The following CATSPERB variants were observed in gnomAD, a reference collection of about 807,000 sequenced individuals.
CATSPERB encodes the protein cation channel sperm-associated auxiliary subunit beta.
A neutral mutation model predicts 128.3 loss-of-function variants in CATSPERB; 93 were observed. That is an observed-to-expected ratio of 0.72 (90% CI 0.61 to 0.86). The LOEUF (loss-of-function observed/expected upper bound fraction) is 0.86. CATSPERB is among the 40% of genes least tolerant of loss of function. The probability of loss-of-function intolerance (pLI) is 0.00; values close to 1 mark genes in which losing one functional copy is unlikely to be tolerated. For missense variants in CATSPERB, 1,153 were observed against 1,329.5 expected (o/e 0.87, Z 2.06); for synonymous variants, 381 against 448.8 (o/e 0.85, Z 1.91).
At chr14:91,645,785 T>C (rs1385599159) in intron 15 of CATSPERB, among the ~76,000 whole-genome samples, 5 of 147,038 alleles carry the variant, frequency 3.4e-5, no homozygotes, top group Admixed American at 2.7e-4. Context: ...GCCTGGGCAA[T>C]GGTGGGCGCC....
chr14:91,652,858 A>G (rs1029011267), intron 15 of CATSPERB, among the ~76,000 whole-genome samples: 19 of 152,180 alleles, frequency 1.2e-4, no homozygotes, highest in Non-Finnish European at 2.4e-4. Context: ...CTGTCTCAAC[A>G]CATGATTCAG....
chr14:91,700,352 T>C (rs967706229), intron 7 of CATSPERB, among the ~76,000 whole-genome samples: 1 of 152,218 alleles, frequency 6.6e-6, no homozygotes, highest in African/African-American at 2.4e-5. Context: ...TTCATCAAAA[T>C]ATTGGCTTCT....
chr14:91,605,558 G>A (rs1227012124), intron 22 of CATSPERB, among the ~76,000 whole-genome samples: 2 of 152,092 alleles, frequency 1.3e-5, no homozygotes, highest in African/African-American at 4.8e-5. Context: ...TTCCACGGCC[G>A]AGGAGATCCT....
At chr14:91,650,248 TG>T (rs1894680217) in intron 15 of CATSPERB, among the ~76,000 whole-genome samples, 1 of 152,208 alleles carries the variant, frequency 6.6e-6, no homozygotes, top group Non-Finnish European at 1.5e-5. Context: ...CCTAGATCAT[TG>T]GTGCAATACA....
At chr14:91,656,678 AAATGGACTAAACTCTCC>A (rs1894792834) in intron 15 of CATSPERB, among the ~76,000 whole-genome samples, 1 of 152,174 alleles carries the variant, frequency 6.6e-6, no homozygotes, top group African/African-American at 2.4e-5. Context: ...TATTTAATGT[AAATGGACTAAACTCTCC>A]AATCAAAAGA....
In CATSPERB at chr14:91,586,571, A is replaced by AAAGAG. The variant is rs1555358774; in HGVS notation, c.3132+630_3132+631insCTCTT. On this transcript the variant is annotated intron_variant, in intron 26 of 26. Transcript: ENST00000256343. Reference sequence around the variant, plus strand: ...GGAGAGAGAGAGAGAGAGAGAGAGAAAGAGAGAGAGAGAGAGAGAGAGACA... The same window carrying AAAGAG: ...GGAGAGAGAGAGAGAGAGAGAGAGAAAAGAGAGAGAGAGAGAGAGAGAGAGAGACA... Among the ~76,000 whole-genome samples the AAAGAG allele has an allele frequency of 2.2e-3, 250 of 114,242 alleles. 3 individuals are homozygous for AAAGAG. Among genetic ancestry groups the AAAGAG allele is most frequent in the African/African-American group, 7.5e-3 (207 of 27,760 alleles). The allele number at this position is 114,242 out of a possible 152,430, so 74.9% of individuals were successfully genotyped here. A position where few individuals can be genotyped will look rare whatever the true frequency, so the allele number is the denominator to read the frequency against.
intron 19 of CATSPERB, among the ~76,000 whole-genome samples, chr14:91,620,881 T>C (rs1045685916): frequency 6.6e-6 from 1 of 152,234 alleles, no homozygotes; most frequent in South Asian, 2.1e-4. Context: ...TATCTGCACA[T>C]AAGAGGATCT....
intron 22 of CATSPERB, among the ~76,000 whole-genome samples, chr14:91,606,602 G>T (rs753080282): frequency 6.6e-6 from 1 of 152,138 alleles, no homozygotes; most frequent in Non-Finnish European, 1.5e-5. Flanking sequence ...AATAATTCTG[G>T]TTCAGGATAT....
chr14:91,603,414 C>T (rs1595141754), intron 22 of CATSPERB: 1 of 1,603,742 alleles, frequency 6.2e-7, no homozygotes, highest in South Asian at 1.1e-5. Flanking sequence ...AGCACGTCCT[C>T]ATCCTTTATT....
chr14:91,659,237 A>C (rs1340083769), intron 15 of CATSPERB, among the ~76,000 whole-genome samples: 1 of 152,222 alleles, frequency 6.6e-6, no homozygotes, highest in Non-Finnish European at 1.5e-5. Flanking sequence ...CCCTGATCTG[A>C]TCACTCTACA....
intron 5 of CATSPERB, among the ~76,000 whole-genome samples, chr14:91,714,233 T>C (rs1197587328): frequency 6.7e-6 from 1 of 148,920 alleles, no homozygotes; most frequent in Non-Finnish European, 1.5e-5. Context: ...TTACTATTCC[T>C]TTCATACTGG....
chr14:91,652,639 C>T lies in CATSPERB; in HGVS notation c.1432+7198G>A, dbSNP rs1172485671. On this transcript the variant is annotated intron_variant, in intron 15 of 26. Transcript: ENST00000256343. ...TGAGCTGAGATCATACCACTGCACCCCAGTCTGAGCAACAGAGCAAGACTC... is the reference window on the plus strand; with the variant it reads ...TGAGCTGAGATCATACCACTGCACCTCAGTCTGAGCAACAGAGCAAGACTC... Among the ~76,000 whole-genome samples, 17 of 129,344 alleles carry T rather than the reference C, an allele frequency of 1.3e-4. No homozygotes were observed. In the Admixed American group the frequency reaches 1.4e-3, roughly 10 times the overall value. The allele number at this position is 129,344 out of a possible 152,430, so 84.9% of individuals were successfully genotyped here. A position where few individuals can be genotyped will look rare whatever the true frequency, so the allele number is the denominator to read the frequency against.
chr14:91,639,640 T>C (rs1326283556), intron 15 of CATSPERB, among the ~76,000 whole-genome samples: 1 of 152,172 alleles, frequency 6.6e-6, no homozygotes, highest in East Asian at 1.9e-4. Context: ...ACATTGGTCA[T>C]TAAATTATAC....
chr14:91,623,398 A>G (rs987574070), intron 18 of CATSPERB, among the ~76,000 whole-genome samples: 1 of 152,068 alleles, frequency 6.6e-6, no homozygotes, highest in African/African-American at 2.4e-5. Context: ...TGAACACTAG[A>G]TATTGCCCTG....
At chr14:91,584,625 G>T (rs577606819) in intron 26 of CATSPERB, among the ~76,000 whole-genome samples, 18 of 152,224 alleles carry the variant, frequency 1.2e-4, no homozygotes, top group Non-Finnish European at 2.4e-4. Context: ...TCTCTCATTT[G>T]AGAAAGTCTT....
intron 14 of CATSPERB, among the ~76,000 whole-genome samples, chr14:91,661,339 A>G (rs1204272470): frequency 6.6e-6 from 1 of 152,002 alleles, no homozygotes; most frequent in African/African-American, 2.4e-5. Context: ...CAACTTATGG[A>G]TATACCATAC....
chr14:91,599,278 C>T (rs1050275113), intron 22 of CATSPERB, among the ~76,000 whole-genome samples: 1 of 151,958 alleles, frequency 6.6e-6, no homozygotes, highest in South Asian at 2.1e-4. Flanking sequence ...TTTACTTTGC[C>T]GGCCGGGCAC....
chr14:91,606,148 C>G (rs1005947054), intron 22 of CATSPERB, among the ~76,000 whole-genome samples: 2 of 151,968 alleles, frequency 1.3e-5, no homozygotes, highest in Non-Finnish European at 2.9e-5. Context: ...TGTACTCCAG[C>G]CTGGGCGACA....
intron 7 of CATSPERB, among the ~76,000 whole-genome samples, chr14:91,696,074 C>A (rs1014919173): frequency 6.6e-6 from 1 of 152,084 alleles, no homozygotes; most frequent in Non-Finnish European, 1.5e-5. Flanking sequence ...AGAAGAAATG[C>A]GTAATAGACA....
Sources: allele counts gnomAD v4.1 joint callset (sites outside exome capture counted in the v4.1 genomes callset), GRCh38; gene constraint gnomAD v4.1.1; transcripts MANE v1.5; gene names NCBI Gene and HGNC (gene_info 2026-07-23, HGNC 2026-07-21).